The following DIAPH3 variants were observed in gnomAD, a reference collection of about 807,000 sequenced individuals.
The protein encoded by DIAPH3 is protein diaphanous homolog 3.
DIAPH3 carries 117 observed loss-of-function variants against 144.3 expected under a neutral mutation model. The observed-to-expected ratio is 0.81, with a 90% CI of 0.70 to 0.95. The LOEUF (loss-of-function observed/expected upper bound fraction) is 0.95. DIAPH3 is among the 40% of genes least tolerant of loss of function. DIAPH3 has a pLI of 0.00. For missense variants in DIAPH3, 1,421 were observed against 1,412.7 expected (o/e 1.01, Z -0.09); for synonymous variants, 519 against 488.9 (o/e 1.06, Z -0.81).
At chr13:60,150,779 A>G (rs1951743272) in intron 1 of DIAPH3, among the ~76,000 whole-genome samples, 1 of 152,164 alleles carries the variant, frequency 6.6e-6, no homozygotes, top group Non-Finnish European at 1.5e-5. Context: ...GAGGCAACTG[A>G]ACAAGGAGGC....
At chr13:59,773,655 G>A (rs927367235) in intron 27 of DIAPH3, among the ~76,000 whole-genome samples, 1 of 152,006 alleles carries the variant, frequency 6.6e-6, no homozygotes, top group Non-Finnish European at 1.5e-5. Context: ...TTTTTGACAG[G>A]AGTCCATCTT....
chr13:59,964,777 C>T lies in DIAPH3; in HGVS notation c.2074+5167G>A, dbSNP rs191542507. ...TCATAATTTCTTTAAGTCTTTACTA[C>T]TTTTGAGATTCAGCCACAGACAAGA... On this transcript the variant is annotated intron_variant, in intron 17 of 27. Coordinates refer to ENST00000400324, the MANE Select transcript of DIAPH3 (RefSeq NM_001042517.2). Among the ~76,000 whole-genome samples the T allele has an allele frequency of 1.7e-3, 253 of 152,150 alleles. 1 individual carries two copies. Among genetic ancestry groups the T allele is most frequent in the African/African-American group, 5.8e-3 (241 of 41,530 alleles).
At chr13:60,005,710 T>A (rs1007354498) in intron 9 of DIAPH3, among the ~76,000 whole-genome samples, 3 of 152,112 alleles carry the variant, frequency 2.0e-5, no homozygotes, top group African/African-American at 4.8e-5. Context: ...CTCGATCTCC[T>A]GACCTCATGA....
chr13:59,687,757 T>G (rs2033291839), intron 27 of DIAPH3, among the ~76,000 whole-genome samples: 1 of 152,088 alleles, frequency 6.6e-6, no homozygotes, highest in Non-Finnish European at 1.5e-5. Flanking sequence ...TAAGGATGAT[T>G]ATTCGATGAA....
chr13:59,710,212 T>A (rs77994178), intron 27 of DIAPH3, among the ~76,000 whole-genome samples: 4,123 of 150,600 alleles, frequency 0.027, 121 homozygotes, highest in East Asian at 0.12. Flanking sequence ...AACCTGCACA[T>A]TGTGCACATG....
intron 1 of DIAPH3, among the ~76,000 whole-genome samples, chr13:60,159,756 C>T (rs565466755): frequency 3.9e-5 from 6 of 152,124 alleles, no homozygotes; most frequent in Non-Finnish European, 7.4e-5. Flanking sequence ...TGGTTTCCTC[C>T]TATGGCAAAC....
intron 27 of DIAPH3, among the ~76,000 whole-genome samples, chr13:59,703,142 T>C (rs2034208284): frequency 6.6e-6 from 1 of 152,228 alleles, no homozygotes; most frequent in Admixed American, 6.5e-5. Context: ...ATAGTAGCCA[T>C]AGCCACATGT....
chr13:59,861,925 C>A (rs550657852), intron 21 of DIAPH3, among the ~76,000 whole-genome samples: 24 of 152,194 alleles, frequency 1.6e-4, no homozygotes, highest in Admixed American at 2.0e-4. Context: ...GGAGACCTAA[C>A]AACAAATAAA....
intron 24 of DIAPH3, among the ~76,000 whole-genome samples, chr13:59,817,370 A>T (rs550281289): frequency 6.6e-5 from 10 of 152,022 alleles, no homozygotes; most frequent in African/African-American, 2.4e-4. Context: ...TTTTGGGGCT[A>T]TGTTATTAGG....
At chr13:59,777,769 G>A (rs186282776) in intron 25 of DIAPH3, among the ~76,000 whole-genome samples, 77 of 152,220 alleles carry the variant, frequency 5.1e-4, no homozygotes, top group Non-Finnish European at 6.6e-4. Flanking sequence ...ATCTAAAAAT[G>A]TATCAATATC....
At chr13:59,996,978 G>A (rs60753689) in intron 9 of DIAPH3, among the ~76,000 whole-genome samples, 5,560 of 152,078 alleles carry the variant, frequency 0.037, 133 homozygotes, top group East Asian at 0.075. Flanking sequence ...ACACAAATAT[G>A]AGAAAAGACA....
chr13:59,815,858 C>T (rs1338661140), intron 24 of DIAPH3, among the ~76,000 whole-genome samples: 3 of 152,096 alleles, frequency 2.0e-5, no homozygotes, highest in Non-Finnish European at 4.4e-5. Flanking sequence ...GCTATAATGT[C>T]AGCTTGATTT....
At chr13:59,926,254 C>T (rs1032380219) in intron 17 of DIAPH3, among the ~76,000 whole-genome samples, 2 of 152,160 alleles carry the variant, frequency 1.3e-5, no homozygotes, top group Non-Finnish European at 2.9e-5. Context: ...TCCCAAAGTG[C>T]TAAGATTACA....
At chr13:59,830,749 C>T (rs1319453412) in intron 24 of DIAPH3, among the ~76,000 whole-genome samples, 2 of 151,742 alleles carry the variant, frequency 1.3e-5, no homozygotes, top group African/African-American at 2.4e-5. Context: ...AACCCCTCTC[C>T]CAATAGAAAA....
intron 20 of DIAPH3, among the ~76,000 whole-genome samples, chr13:59,881,221 A>G (rs1345948290): frequency 1.3e-5 from 2 of 152,008 alleles, no homozygotes; most frequent in Non-Finnish European, 2.9e-5. Context: ...TTGCAAAAGG[A>G]AGATGTTCAT....
At chr13:60,080,851 A>G (rs1357263554) in intron 4 of DIAPH3, among the ~76,000 whole-genome samples, 3 of 151,970 alleles carry the variant, frequency 2.0e-5, no homozygotes, top group Admixed American at 1.3e-4. Flanking sequence ...GGGGTCACAC[A>G]TCACTTTTCA....
At chr13:60,135,204 T>C (rs1005706567) in intron 1 of DIAPH3, among the ~76,000 whole-genome samples, 18 of 151,548 alleles carry the variant, frequency 1.2e-4, no homozygotes, top group South Asian at 2.1e-4. Flanking sequence ...GCCACTCTTA[T>C]GTAAAAACAA....
intron 1 of DIAPH3, among the ~76,000 whole-genome samples, chr13:60,144,508 G>A (rs537021803): frequency 6.6e-6 from 1 of 152,296 alleles, no homozygotes; most frequent in East Asian, 1.9e-4. Context: ...AGTCTTCACT[G>A]TTCCTTGTAA....
intron 4 of DIAPH3, among the ~76,000 whole-genome samples, chr13:60,072,899 A>G (rs2057258882): frequency 6.6e-6 from 1 of 152,328 alleles, no homozygotes; most frequent in African/African-American, 2.4e-5. Context: ...ACTAAAAATA[A>G]AGTAACCAAA....
Sources: allele counts gnomAD v4.1 joint callset (sites outside exome capture counted in the v4.1 genomes callset), GRCh38; gene constraint gnomAD v4.1.1; transcripts MANE v1.5; gene names NCBI Gene and HGNC (gene_info 2026-07-23, HGNC 2026-07-21).